Variants in CLEC16A observed in about 807,000 individuals in gnomAD.
The protein encoded by CLEC16A is protein CLEC16A.
CLEC16A carries 51 observed loss-of-function variants against 109.5 expected under a neutral mutation model. The observed-to-expected ratio is 0.47, with a 90% confidence interval of 0.37 to 0.59. CLEC16A has a LOEUF of 0.59. CLEC16A is among the 20% of genes least tolerant of loss of function. The pLI, the probability that CLEC16A is intolerant of heterozygous loss-of-function variation, is 0.00. For missense variants in CLEC16A, 1,339 were observed against 1,394.0 expected (o/e 0.96, Z 0.63); for synonymous variants, 673 against 564.2 (o/e 1.19, Z -2.73).
intron 11 of CLEC16A, among the ~76,000 whole-genome samples, chr16:11,014,299 C>T (rs1008805114): frequency 6.6e-6 from 1 of 152,252 alleles, no homozygotes; most frequent in Non-Finnish European, 1.5e-5. Context: ...TTCCTTTTCA[C>T]AGCTGTGCTG....
chr16:11,179,041 C>T lies in CLEC16A; in HGVS notation c.*351C>T. Reference sequence around the variant, plus strand: ...CTCTGTCATATGGCTCCTCTGTCACCAGCCCCAGTGTGCACAGAAGAATTG... The same window carrying T: ...CTCTGTCATATGGCTCCTCTGTCACTAGCCCCAGTGTGCACAGAAGAATTG... On this transcript the variant is annotated 3_prime_UTR_variant, in exon 24 of 24. Coordinates refer to ENST00000409790, the MANE Select transcript of CLEC16A (RefSeq NM_015226.3). The T allele has an allele frequency of 3.9e-6, 1 of 257,946 alleles. No homozygotes were observed. The highest frequency in any genetic ancestry group is 7.3e-6 in the Non-Finnish European group (1 of 136,640). 16.0% of individuals were successfully genotyped at this position (257,946 alleles called of 1,614,324 possible).
chr16:11,167,419 C>T, intron 23 of CLEC16A, among the ~76,000 whole-genome samples: 1 of 152,178 alleles, frequency 6.6e-6, no homozygotes, highest in East Asian at 1.9e-4. Flanking sequence ...CATCATATTT[C>T]AGGGGCACGT....
chr16:11,059,720 T>C (rs577758091), intron 18 of CLEC16A, among the ~76,000 whole-genome samples: 1 of 152,258 alleles, frequency 6.6e-6, no homozygotes, highest in Admixed American at 6.5e-5. Context: ...GTGGTGACAG[T>C]GGTTTGTCCC....
In CLEC16A at chr16:10,972,945, C is replaced by T. The variant is rs201136444; in HGVS notation, c.612C>T (p.Asn204=). ...TTCTGTGAATTTTCTCAGTGGATAACCAGGCCATGCTGCACTACATCCGAG... is the reference window on the plus strand; with the variant it reads ...TTCTGTGAATTTTCTCAGTGGATAATCAGGCCATGCTGCACTACATCCGAG... ...TLNVYKVSLD[N]QAMLHYIRDK... is the part of the protein sequence containing the mutation. Residue 204 remains asparagine, a synonymous_variant, in exon 7 of 24, where the codon AAC becomes AAT. Coordinates refer to ENST00000409790, the MANE Select transcript of CLEC16A (RefSeq NM_015226.3). 475 of 1,599,294 alleles carry T rather than the reference C, an allele frequency of 3.0e-4. 5 individuals are homozygous for T. Among genetic ancestry groups the T allele is most frequent in the Admixed American group, 2.8e-4 (16 of 57,432 alleles).
intron 19 of CLEC16A, among the ~76,000 whole-genome samples, chr16:11,061,947 C>G (rs1448320168): frequency 6.6e-6 from 1 of 152,138 alleles, no homozygotes; most frequent in African/African-American, 2.4e-5. Context: ...TTCAGCAGCC[C>G]CAAGATTTGT....
chr16:11,039,615 GAAAAGA>G, intron 13 of CLEC16A, 133 bp from the exon 14 acceptor site: 1 of 1,110,434 alleles, frequency 9.0e-7, no homozygotes, highest in Non-Finnish European at 1.2e-6. Flanking sequence ...CTAAAAAAAA[GAAAAGA>G]AAAAGGAAAA....
intron 17 of CLEC16A, among the ~76,000 whole-genome samples, chr16:11,049,923 A>C (rs78336020): frequency 0.011 from 1,741 of 152,346 alleles, 26 homozygotes; most frequent in African/African-American, 0.041. Context: ...AAGTACTTAA[A>C]GTGTCCAAAA....
chr16:11,154,669 A>ATT (rs567369190), intron 22 of CLEC16A, among the ~76,000 whole-genome samples: 89 of 152,350 alleles, frequency 5.8e-4, no homozygotes, highest in African/African-American at 2.1e-3. Context: ...TCACATCTGT[A>ATT]ATCCCAGCAC....
intron 16 of CLEC16A, among the ~76,000 whole-genome samples, chr16:11,044,898 C>A (rs1006766327): frequency 2.7e-5 from 4 of 150,280 alleles, no homozygotes; most frequent in African/African-American, 9.8e-5. Flanking sequence ...TGCCCTCCAT[C>A]CTAGGCAACA....
chr16:11,146,576 T>C (rs937339978), intron 22 of CLEC16A, among the ~76,000 whole-genome samples: 7 of 146,580 alleles, frequency 4.8e-5, no homozygotes, highest in South Asian at 2.2e-4. Context: ...GGAGAGGGGA[T>C]GGATGGATGT....
At chr16:11,009,168 C>T (rs891169247) in intron 11 of CLEC16A, among the ~76,000 whole-genome samples, 8 of 152,218 alleles carry the variant, frequency 5.3e-5, no homozygotes, top group African/African-American at 1.9e-4. Context: ...GTCGTTTATT[C>T]AAATGGAATC....
At chr16:11,082,409 A>T (rs2049775933) in intron 19 of CLEC16A, among the ~76,000 whole-genome samples, 1 of 152,208 alleles carries the variant, frequency 6.6e-6, no homozygotes, top group South Asian at 2.1e-4. Flanking sequence ...CTGTGAGGAA[A>T]GTGTTTCTCT....
At chr16:10,957,376 C>G (rs959217717) in intron 1 of CLEC16A, among the ~76,000 whole-genome samples, 1 of 152,256 alleles carries the variant, frequency 6.6e-6, no homozygotes, top group Non-Finnish European at 1.5e-5. Flanking sequence ...TATGTCCCCA[C>G]TTGCTCTGAA....
chr16:11,016,923 C>G (rs867249819), intron 11 of CLEC16A, among the ~76,000 whole-genome samples: 65 of 144,970 alleles, frequency 4.5e-4, no homozygotes, highest in African/African-American at 1.5e-3. Context: ...TGACATCTGA[C>G]TTCAGATCAG....
At chr16:10,953,937 A>C (rs775364786) in intron 1 of CLEC16A, among the ~76,000 whole-genome samples, 1 of 151,084 alleles carries the variant, frequency 6.6e-6, no homozygotes, top group African/African-American at 2.4e-5. Flanking sequence ...AGATCGCACC[A>C]CTGCACTCCA....
chr16:11,052,115 T>C (rs1407331584), intron 18 of CLEC16A, among the ~76,000 whole-genome samples: 2 of 152,182 alleles, frequency 1.3e-5, no homozygotes, highest in Non-Finnish European at 2.9e-5. Context: ...GACAGATATG[T>C]GTGAAAAGAT....
At chr16:11,085,870 G>A (rs1209275646) in intron 19 of CLEC16A, among the ~76,000 whole-genome samples, 1 of 152,204 alleles carries the variant, frequency 6.6e-6, no homozygotes, top group African/African-American at 2.4e-5. Flanking sequence ...GGGATTACAG[G>A]CGTGAGCCAC....
At chr16:11,164,694 C>T (rs973858304) in intron 22 of CLEC16A, among the ~76,000 whole-genome samples, 5 of 152,224 alleles carry the variant, frequency 3.3e-5, no homozygotes, top group South Asian at 2.1e-4. Context: ...TCAACTCTGC[C>T]GCTGATCGAG....
intron 19 of CLEC16A, among the ~76,000 whole-genome samples, chr16:11,088,979 C>T (rs1232625277): frequency 6.6e-6 from 1 of 152,226 alleles, no homozygotes; most frequent in Non-Finnish European, 1.5e-5. Context: ...TCCCCAGCCA[C>T]CCACAGTACC....
Sources: gnomAD v4.1 joint callset for allele counts (sites outside exome capture counted in the v4.1 genomes callset) on GRCh38, gnomAD v4.1.1 for gene constraint, MANE v1.5 for transcripts, NCBI Gene and HGNC (gene_info 2026-07-23, HGNC 2026-07-21) for gene names.